SNAP25: variants seen among roughly 807,000 people sequenced by gnomAD.
The protein encoded by SNAP25 is synaptosome associated protein 25.
A neutral mutation model predicts 28.7 loss-of-function variants in SNAP25; 3 were observed. The ratio of observed to expected loss-of-function variants is 0.10; its 90% CI spans 0.05 to 0.27. The LOEUF (loss-of-function observed/expected upper bound fraction) is 0.27, where lower values mean the gene tolerates loss of function less well. Ranked by LOEUF, SNAP25 falls within the 10% of genes least tolerant of loss-of-function variation. The probability of loss-of-function intolerance (pLI) is 1.00; values close to 1 mark genes in which losing one functional copy is unlikely to be tolerated. For synonymous variants in SNAP25, 61 were observed against 88.1 expected (o/e 0.69, Z 1.72); for missense variants, 117 against 278.7 (o/e 0.42, Z 4.13).
chr20:10,277,097 T>C (rs2063704644), intron 2 of SNAP25, among the ~76,000 whole-genome samples: 2 of 152,224 alleles, frequency 1.3e-5, no homozygotes, highest in African/African-American at 4.8e-5. Flanking sequence ...ATTGCAGAGC[T>C]CAGCCTTTCC....
In SNAP25 at chr20:10,263,052, T is replaced by C. The variant is rs972192751; in HGVS notation, c.-63-12377T>C. 2.4e-5 allele frequency among the ~76,000 whole-genome samples: 3 copies of C among 127,260 alleles called. No homozygotes were observed. The Admixed American group carries it at 2.8e-4, about 12-fold the overall frequency. 83.5% of individuals were successfully genotyped at this position (127,260 alleles called of 152,430 possible). A position where few individuals can be genotyped will look rare whatever the true frequency, so the allele number is the denominator to read the frequency against. On this transcript the variant is annotated intron_variant, in intron 1 of 7. Transcript: ENST00000254976. ...TTTTTTTTTTGAGACGGAGTCTCGC[T>C]CTGTCGCCCAGGCTGGAGTGCAGTG...
intron 7 of SNAP25, among the ~76,000 whole-genome samples, chr20:10,304,524 T>G (rs1442707700): frequency 6.6e-6 from 1 of 152,218 alleles, no homozygotes; most frequent in Non-Finnish European, 1.5e-5. Context: ...AAAATGTTAT[T>G]AAGAAAATCA....
intron 1 of SNAP25, among the ~76,000 whole-genome samples, chr20:10,261,997 G>T (rs1178845041): frequency 6.6e-6 from 1 of 152,150 alleles, no homozygotes; most frequent in Non-Finnish European, 1.5e-5. Context: ...AAACACCACT[G>T]ATTCTTTGAT....
At position 10,240,310 on chromosome 20, in the gene SNAP25, C is replaced by A. The variant is rs377762460; in HGVS notation, c.-64+21333C>A. 5.8e-4 allele frequency among the ~76,000 whole-genome samples: 89 copies of A among 152,256 alleles called. 1 individual carries two copies. Among genetic ancestry groups the A allele is most frequent in the African/African-American group, 2.0e-3 (83 of 41,542 alleles). On this transcript the variant is annotated intron_variant, in intron 1 of 7. Transcript: ENST00000254976. ...AAGGGCCGGTCCTTCTTTTAAGGGC[C>A]TTCATCTGATTAAATCAGGCCCAAC... is the stretch of plus-strand genomic sequence containing the variant.
intron 1 of SNAP25, among the ~76,000 whole-genome samples, chr20:10,239,796 A>G (rs1227558549): frequency 6.6e-6 from 1 of 152,092 alleles, no homozygotes; most frequent in Non-Finnish European, 1.5e-5. Context: ...GTGCTACTCC[A>G]CAATGTCCCA....
chr20:10,293,118 A>G lies in SNAP25; in HGVS notation c.164-43A>G. 1 of 1,544,902 alleles carries G rather than the reference A, an allele frequency of 6.5e-7. No homozygotes were observed. Among genetic ancestry groups the G allele is most frequent in the Non-Finnish European group, 8.8e-7 (1 of 1,133,282 alleles). ...TGTCTTTTTTTCTTTGTCCTTTTCCATCTGCTTCATTCTGTGGGGATAAAA... is the reference window on the plus strand; with the variant it reads ...TGTCTTTTTTTCTTTGTCCTTTTCCGTCTGCTTCATTCTGTGGGGATAAAA... On this transcript the variant is annotated intron_variant, in intron 4 of 7. Transcript: ENST00000254976. The surrounding 1 kb of genome is among the most constrained non-coding windows in gnomAD (Gnocchi z 5.6).
chr20:10,279,020 G>A (rs562740730), intron 3 of SNAP25, among the ~76,000 whole-genome samples: 1 of 152,290 alleles, frequency 6.6e-6, no homozygotes, highest in African/African-American at 2.4e-5. Context: ...GGGACACACC[G>A]GAAGGCAGCC....
intron 1 of SNAP25, among the ~76,000 whole-genome samples, chr20:10,252,413 C>A (rs1403755548): frequency 6.6e-6 from 1 of 152,212 alleles, no homozygotes; most frequent in African/African-American, 2.4e-5. Context: ...ACAGATATAT[C>A]ATTTGCTTCT....
chr20:10,232,729 G>C (rs1164733874), intron 1 of SNAP25, among the ~76,000 whole-genome samples: 1 of 152,160 alleles, frequency 6.6e-6, no homozygotes, highest in Non-Finnish European at 1.5e-5. Context: ...TTCTAGTAGA[G>C]AAAGACAATG....
chr20:10,222,443 A>G (rs1020996769), intron 1 of SNAP25, among the ~76,000 whole-genome samples: 5 of 152,230 alleles, frequency 3.3e-5, no homozygotes, highest in Non-Finnish European at 7.3e-5. Flanking sequence ...AAGTCACAAC[A>G]TATGCAGAAT....
chr20:10,219,963 A>G (rs1013411121), intron 1 of SNAP25, among the ~76,000 whole-genome samples: 3 of 152,174 alleles, frequency 2.0e-5, no homozygotes, highest in Non-Finnish European at 4.4e-5. Context: ...TCTGACCCTT[A>G]TTTTACGTAG....
chr20:10,223,788 A>G (rs1261135825), intron 1 of SNAP25, among the ~76,000 whole-genome samples: 3 of 152,218 alleles, frequency 2.0e-5, no homozygotes, highest in Admixed American at 1.3e-4. Flanking sequence ...TACTCTTTCT[A>G]CATAATTTTC....
chr20:10,236,188 T>C (rs1438375912), intron 1 of SNAP25, among the ~76,000 whole-genome samples: 1 of 152,136 alleles, frequency 6.6e-6, no homozygotes, highest in Non-Finnish European at 1.5e-5. Context: ...GGCTTATTAG[T>C]ACCCTGTCCC....
intron 4 of SNAP25, chr20:10,292,901 A>G (rs2064030161): frequency 6.2e-7 from 1 of 1,607,160 alleles, no homozygotes. Flanking sequence ...ATCGTGTCGA[A>G]GAAGGCATGA....
intron 3 of SNAP25, among the ~76,000 whole-genome samples, chr20:10,283,217 C>G (rs929223975): frequency 4.6e-5 from 7 of 152,218 alleles, no homozygotes; most frequent in African/African-American, 1.7e-4. Flanking sequence ...AGAAACACTC[C>G]ATTCTAGCAC....
intron 6 of SNAP25, 80 bp from the exon 7 acceptor site, chr20:10,299,188 A>T: frequency 6.6e-7 from 1 of 1,507,640 alleles, no homozygotes; most frequent in Non-Finnish European, 9.0e-7. Context: ...AGGACGACAG[A>T]TTTCCACTAT....
At chr20:10,251,995 C>T (rs556980806) in intron 1 of SNAP25, among the ~76,000 whole-genome samples, 1 of 152,344 alleles carries the variant, frequency 6.6e-6, no homozygotes, top group South Asian at 2.1e-4. Context: ...GAGCAAAGTT[C>T]ATAAGCTTGC....
intron 4 of SNAP25, among the ~76,000 whole-genome samples, chr20:10,288,016 G>T (rs549938738): frequency 2.0e-5 from 3 of 151,846 alleles, no homozygotes; most frequent in African/African-American, 4.8e-5. Context: ...TTGTGGGGTG[G>T]GGGGAGAGGG....
chr20:10,306,072 G>A (rs1441221940), intron 7 of SNAP25, 57 bp from the exon 8 acceptor site: 3 of 1,558,510 alleles, frequency 1.9e-6, no homozygotes, highest in African/African-American at 1.4e-5. Flanking sequence ...GGACCCAGAA[G>A]GGTGAATGGA....
Sources: allele counts gnomAD v4.1 joint callset (sites outside exome capture counted in the v4.1 genomes callset), GRCh38; gene constraint gnomAD v4.1.1; non-coding constraint Gnocchi (gnomAD v3.1); transcripts MANE v1.5; gene names NCBI Gene and HGNC (gene_info 2026-07-23, HGNC 2026-07-21).